Variants in SULF1 observed in about 807,000 individuals in gnomAD.
SULF1 encodes extracellular sulfatase Sulf-1.
A neutral mutation model predicts 110.5 loss-of-function variants in SULF1; 46 were observed. The observed-to-expected ratio is 0.42, with a 90% CI of 0.33 to 0.53. The LOEUF (loss-of-function observed/expected upper bound fraction) is 0.53. SULF1 is among the 20% of genes least tolerant of loss of function. The probability of loss-of-function intolerance (pLI) is 0.12; values close to 1 mark genes in which losing one functional copy is unlikely to be tolerated. For synonymous variants in SULF1, 371 were observed against 387.1 expected (o/e 0.96, Z 0.49); for missense variants, 941 against 1,094.2 (o/e 0.86, Z 1.98).
chr8:69,499,103 C>A (rs1042477659), intron 2 of SULF1, among the ~76,000 whole-genome samples: 3 of 152,158 alleles, frequency 2.0e-5, no homozygotes, highest in Non-Finnish European at 4.4e-5. Context: ...AAGCAATCTG[C>A]CCGCCTCGGC....
At chr8:69,632,976 T>C (rs1466493704) in intron 19 of SULF1, among the ~76,000 whole-genome samples, 1 of 147,628 alleles carries the variant, frequency 6.8e-6, no homozygotes, top group East Asian at 2.0e-4. Context: ...CAGTGAGCCA[T>C]GATTGTACTC....
chr8:69,650,037 C>G (rs1812214779), intron 22 of SULF1, among the ~76,000 whole-genome samples: 1 of 118,786 alleles, frequency 8.4e-6, no homozygotes, highest in Non-Finnish European at 1.6e-5. Context: ...GCTCTGTCAC[C>G]CAGGCTGGAG....
At chr8:69,558,898 TTA>T (rs1329932621) in intron 3 of SULF1, among the ~76,000 whole-genome samples, 2 of 152,168 alleles carry the variant, frequency 1.3e-5, no homozygotes, top group Non-Finnish European at 1.5e-5. Flanking sequence ...AATAAATCTA[TTA>T]TATGTTAACC....
chr8:69,552,630 T>A (rs1431977075), intron 3 of SULF1, among the ~76,000 whole-genome samples: 1 of 152,238 alleles, frequency 6.6e-6, no homozygotes, highest in Non-Finnish European at 1.5e-5. Flanking sequence ...GGCTTGCTAT[T>A]TGTGTAACTA....
rs745755995 is a variant in SULF1, at chr8:69,628,233, T to G, written c.2105T>G (p.Phe702Cys). The G allele has an allele frequency of 6.2e-7, 1 of 1,613,418 alleles. No individual in the cohort carries two copies. Among genetic ancestry groups the G allele is most frequent in the East Asian group, 2.2e-5 (1 of 44,898 alleles). Residue 702 changes from phenylalanine (F) to cysteine (C), a missense_variant, in exon 18 of 23, where the codon TTC becomes TGC. By Grantham distance (205) the Phe-to-Cys change is radical. Coordinates refer to ENST00000402687, the MANE Select transcript of SULF1 (RefSeq NM_001128205.2). ...AAATTAAAGAGCCATCTTCACCCATTCAAGTAAGTAACTCTCTGTTTTCCA... is the reference window on the plus strand; with the variant it reads ...AAATTAAAGAGCCATCTTCACCCATGCAAGTAAGTAACTCTCTGTTTTCCA... The part of the protein sequence containing the change: ...QEKLKSHLHP[F>C]KEAAQEVDSK...
At chr8:69,510,399 A>G (rs569530362) in intron 3 of SULF1, among the ~76,000 whole-genome samples, 1 of 152,324 alleles carries the variant, frequency 6.6e-6, no homozygotes, top group Admixed American at 6.5e-5. Context: ...ATGCTTCAGT[A>G]TCCTTATTGG....
intron 3 of SULF1, among the ~76,000 whole-genome samples, chr8:69,543,859 G>C (rs1026439588): frequency 6.6e-6 from 1 of 152,222 alleles, no homozygotes; most frequent in Admixed American, 6.5e-5. Flanking sequence ...ATATCTACCT[G>C]CTCAGCCTCA....
At chr8:69,635,446 C>T (rs13281658) in intron 19 of SULF1, among the ~76,000 whole-genome samples, 8 of 152,168 alleles carry the variant, frequency 5.3e-5, no homozygotes, top group Non-Finnish European at 1.0e-4. Context: ...CTCAAAACCG[C>T]TCTAAAAAAT....
At chr8:69,539,606 C>T (rs1813720832) in intron 3 of SULF1, among the ~76,000 whole-genome samples, 1 of 152,198 alleles carries the variant, frequency 6.6e-6, no homozygotes, top group East Asian at 1.9e-4. Flanking sequence ...AATGACTAAG[C>T]CCCTATGATG....
At chr8:69,604,141 G>A (rs996343750) in intron 12 of SULF1, among the ~76,000 whole-genome samples, 1 of 152,166 alleles carries the variant, frequency 6.6e-6, no homozygotes, top group Non-Finnish European at 1.5e-5. Context: ...AAAAGCAAGA[G>A]AATGACGACT....
At chr8:69,558,909 C>G (rs1408223778) in intron 3 of SULF1, among the ~76,000 whole-genome samples, 1 of 151,774 alleles carries the variant, frequency 6.6e-6, no homozygotes. Flanking sequence ...TATATGTTAA[C>G]CTAAATGATA....
intron 14 of SULF1, among the ~76,000 whole-genome samples, chr8:69,623,642 G>A (rs1196946417): frequency 6.6e-6 from 1 of 152,226 alleles, no homozygotes; most frequent in Admixed American, 6.5e-5. Context: ...TGAATAAAAA[G>A]GATCCTAGAA....
At chr8:69,579,051 C>T (rs1430640350) in intron 6 of SULF1, among the ~76,000 whole-genome samples, 1 of 150,458 alleles carries the variant, frequency 6.6e-6, no homozygotes, top group African/African-American at 2.4e-5. Flanking sequence ...GTCCCAGCTA[C>T]TTGGGAGGCT....
chr8:69,652,673 G>A (rs565880128), intron 22 of SULF1, among the ~76,000 whole-genome samples: 2 of 152,314 alleles, frequency 1.3e-5, no homozygotes, highest in South Asian at 2.1e-4. Context: ...AACCTAAATA[G>A]AGTTGTATAC....
intron 1 of SULF1, among the ~76,000 whole-genome samples, chr8:69,484,157 G>A (rs539894664): frequency 2.2e-4 from 33 of 152,216 alleles, no homozygotes; most frequent in Admixed American, 1.1e-3. Flanking sequence ...TTTAAGCTCA[G>A]TTGACTTTTT....
intron 13 of SULF1, among the ~76,000 whole-genome samples, chr8:69,607,767 A>G (rs1231495811): frequency 6.6e-6 from 1 of 152,188 alleles, no homozygotes; most frequent in Non-Finnish European, 1.5e-5. Context: ...CCTGACTTTA[A>G]AAAAGGAAGA....
intron 5 of SULF1, among the ~76,000 whole-genome samples, chr8:69,568,631 A>G (rs1435216212): frequency 1.3e-5 from 2 of 152,354 alleles, no homozygotes; most frequent in South Asian, 2.1e-4. Flanking sequence ...TGGCTTAACC[A>G]TGGTCCCCTT....
intron 5 of SULF1, among the ~76,000 whole-genome samples, chr8:69,573,883 G>A (rs895733468): frequency 3.3e-5 from 5 of 152,226 alleles, no homozygotes; most frequent in Middle Eastern, 3.4e-3. Context: ...TTCTTCTCAC[G>A]GTGAAAACTT....
At chr8:69,606,516 G>A (rs956469390) in intron 13 of SULF1, among the ~76,000 whole-genome samples, 6 of 152,122 alleles carry the variant, frequency 3.9e-5, no homozygotes, top group African/African-American at 1.4e-4. Context: ...ATGCAAATTG[G>A]TGATCTTGTT....
Sources: allele counts gnomAD v4.1 joint callset (sites outside exome capture counted in the v4.1 genomes callset), GRCh38; gene constraint gnomAD v4.1.1; transcripts MANE v1.5; gene names NCBI Gene and HGNC (gene_info 2026-07-23, HGNC 2026-07-21).